Variants in SAMD12 observed in about 807,000 individuals in gnomAD.
The protein encoded by SAMD12 is sterile alpha motif domain-containing protein 12.
A neutral mutation model predicts 15.0 loss-of-function variants in SAMD12; 9 were observed. That is an observed-to-expected ratio of 0.60 (90% CI 0.36 to 1.05). The LOEUF (loss-of-function observed/expected upper bound fraction) is 1.05. SAMD12 is among the 50% of genes least tolerant of loss of function. The probability of loss-of-function intolerance (pLI) is 0.01; values close to 1 mark genes in which losing one functional copy is unlikely to be tolerated. For synonymous variants in SAMD12, 86 were observed against 90.1 expected (o/e 0.96, Z 0.25); for missense variants, 230 against 234.2 (o/e 0.98, Z 0.12).
At chr8:118,562,983 C>T (rs1050455342) in intron 2 of SAMD12, among the ~76,000 whole-genome samples, 1 of 152,090 alleles carries the variant, frequency 6.6e-6, no homozygotes, top group African/African-American at 2.4e-5. Context: ...TTATAAATCG[C>T]TATATTTGAG....
intron 1 of SAMD12, among the ~76,000 whole-genome samples, chr8:118,606,359 T>A (rs1366016789): frequency 1.3e-5 from 2 of 152,130 alleles, no homozygotes; most frequent in Non-Finnish European, 2.9e-5. Context: ...TTATGTGACC[T>A]TGGGTAAGGG....
At chr8:118,147,158 G>A in the SAMD12 span, among the ~76,000 whole-genome samples, 1 of 151,774 alleles carries the variant, frequency 6.6e-6, no homozygotes, top group Non-Finnish European at 1.5e-5. Context: ...CTGAGTAGCT[G>A]GGATTACAGG....
intron 4 of SAMD12, among the ~76,000 whole-genome samples, chr8:118,293,128 T>C (rs1333402321): frequency 6.6e-6 from 1 of 152,198 alleles, no homozygotes; most frequent in East Asian, 1.9e-4. Context: ...TATGCTGTGT[T>C]TGAAGCTCAG....
intron 4 of SAMD12, among the ~76,000 whole-genome samples, chr8:118,316,734 A>G (rs1296288963): frequency 2.0e-5 from 3 of 148,618 alleles, no homozygotes; most frequent in Non-Finnish European, 4.5e-5. Context: ...AATTGTGTCC[A>G]CTCCCCGCAA....
chr8:118,467,103 G>C (rs184712596), intron 2 of SAMD12, among the ~76,000 whole-genome samples: 37 of 152,292 alleles, frequency 2.4e-4, no homozygotes, highest in Non-Finnish European at 4.6e-4. Context: ...GCATTTTCTT[G>C]AGTATCTATT....
rs777936036 is a variant in SAMD12, at chr8:118,621,928, C to A, written c.-112G>T. 9.5e-6 allele frequency: 12 copies of A among 1,258,772 alleles called. No individual in the cohort carries two copies. The highest frequency in any genetic ancestry group is 1.4e-5 in the Non-Finnish European group (12 of 857,958). The allele number at this position is 1,258,772 out of a possible 1,614,324, so 78.0% of individuals were successfully genotyped here. A position where few individuals can be genotyped will look rare whatever the true frequency, so the allele number is the denominator to read the frequency against. ...CCTAAATATTCTGCGCTTATCTGCTCCAGGACCAACCTGCCGCGGTCACGC... is the reference window on the plus strand; with the variant it reads ...CCTAAATATTCTGCGCTTATCTGCTACAGGACCAACCTGCCGCGGTCACGC... On this transcript the variant is annotated 5_prime_UTR_variant, in exon 1 of 4. Transcript: ENST00000314727.
At chr8:118,177,342 GC>G in the SAMD12 span, among the ~76,000 whole-genome samples, 1 of 151,470 alleles carries the variant, frequency 6.6e-6, no homozygotes, top group Non-Finnish European at 1.5e-5. Flanking sequence ...CTGGGCTCAA[GC>G]CATCATCCTG....
chr8:118,215,200 T>C (rs1159816557), intron 4 of SAMD12, among the ~76,000 whole-genome samples: 1 of 152,190 alleles, frequency 6.6e-6, no homozygotes, highest in Non-Finnish European at 1.5e-5. Context: ...CCACTCCTGT[T>C]TCTGAAAATA....
At chr8:118,582,389 C>A (rs1474438174) in intron 1 of SAMD12, among the ~76,000 whole-genome samples, 2 of 151,150 alleles carry the variant, frequency 1.3e-5, no homozygotes, top group Non-Finnish European at 3.0e-5. Context: ...GCAAATCCAA[C>A]AGCTCTACAC....
At chr8:118,568,954 T>A (rs1398948168) in intron 2 of SAMD12, among the ~76,000 whole-genome samples, 1 of 152,180 alleles carries the variant, frequency 6.6e-6, no homozygotes, top group African/African-American at 2.4e-5. Context: ...TTCTGCTTGG[T>A]ATAATTTTAA....
chr8:118,193,787 A>C (rs1021710782), exon 5 of SAMD12: 3 of 152,174 alleles, frequency 2.0e-5, no homozygotes, highest in African/African-American at 7.2e-5. Flanking sequence ...CCCGCAAAAA[A>C]CAAAAAAGTG....
chr8:118,138,477 C>T, the SAMD12 span, among the ~76,000 whole-genome samples: 1 of 152,324 alleles, frequency 6.6e-6, no homozygotes, highest in East Asian at 1.9e-4. Flanking sequence ...TCACCACTCC[C>T]ACCATGTGAG....
At chr8:118,317,421 G>A (rs531044659) in intron 4 of SAMD12, among the ~76,000 whole-genome samples, 2 of 152,226 alleles carry the variant, frequency 1.3e-5, no homozygotes, top group South Asian at 2.1e-4. Context: ...ATAAACTGTG[G>A]GATGCTCACA....
At chr8:118,346,550 C>T (rs2130573564) in intron 4 of SAMD12, among the ~76,000 whole-genome samples, 1 of 152,302 alleles carries the variant, frequency 6.6e-6, no homozygotes, top group Admixed American at 6.5e-5. Flanking sequence ...GGGCTGCATG[C>T]TGTAGAACAA....
chr8:118,454,675 G>A (rs991469439), intron 2 of SAMD12, among the ~76,000 whole-genome samples: 4 of 152,028 alleles, frequency 2.6e-5, no homozygotes, highest in Non-Finnish European at 5.9e-5. Flanking sequence ...ATTTTTAATT[G>A]TACAGTTCAG....
At chr8:118,605,386 A>G (rs1020123536) in intron 1 of SAMD12, among the ~76,000 whole-genome samples, 9 of 152,360 alleles carry the variant, frequency 5.9e-5, no homozygotes, top group African/African-American at 1.9e-4. Flanking sequence ...AAGATTTGCT[A>G]GAATAGCTTA....
chr8:118,412,171 C>T (rs1038332335), intron 3 of SAMD12, among the ~76,000 whole-genome samples: 13 of 152,118 alleles, frequency 8.5e-5, no homozygotes, highest in Non-Finnish European at 1.3e-4. Context: ...CTGGGCCTGG[C>T]GAGGTTTCAG....
At chr8:118,188,738 A>T (rs1819286768), downstream of SAMD12, among the ~76,000 whole-genome samples, 1 of 152,052 alleles carries the variant, frequency 6.6e-6, no homozygotes, top group African/African-American at 2.4e-5. Flanking sequence ...GAAAATGGTC[A>T]ATTTTTTATA....
chr8:118,432,855 G>GCAC (rs1301833651), intron 3 of SAMD12, among the ~76,000 whole-genome samples: 5 of 151,982 alleles, frequency 3.3e-5, no homozygotes, highest in African/African-American at 1.2e-4. Context: ...ACCACCCCTA[G>GCAC]CACCACCACC....
Sources: gnomAD v4.1 joint callset for allele counts (sites outside exome capture counted in the v4.1 genomes callset) on GRCh38, gnomAD v4.1.1 for gene constraint, MANE v1.5 for transcripts, NCBI Gene and HGNC (gene_info 2026-07-23, HGNC 2026-07-21) for gene names.